PPP1R13B: variants seen among roughly 807,000 people sequenced by gnomAD.
PPP1R13B encodes protein phosphatase 1 regulatory subunit 13B, also known as apoptosis-stimulating of p53 protein 1.
Under a neutral mutation model 119.8 loss-of-function variants are expected in PPP1R13B, and 44 were observed. That is an observed-to-expected ratio of 0.37 (90% CI 0.29 to 0.47). The LOEUF (loss-of-function observed/expected upper bound fraction) is 0.47, where lower values mean the gene tolerates loss of function less well. Among genes scored for constraint, PPP1R13B ranks in the 20% least tolerant of loss-of-function variants. The pLI is 0.99. For missense variants in PPP1R13B, 1,227 were observed against 1,413.5 expected (o/e 0.87, Z 2.12); for synonymous variants, 542 against 561.5 (o/e 0.97, Z 0.49).
At chr14:103,795,202 G>A (rs1370990898) in intron 2 of PPP1R13B, among the ~76,000 whole-genome samples, 1 of 152,022 alleles carries the variant, frequency 6.6e-6, no homozygotes, top group Non-Finnish European at 1.5e-5. Context: ...CCTCCTAAAG[G>A]GCTGGGATTA....
chr14:103,778,683 G>T, intron 4 of PPP1R13B, 62 bp downstream of exon 4: 1 of 1,369,492 alleles, frequency 7.3e-7, no homozygotes, highest in African/African-American at 1.4e-5. Flanking sequence ...TGAGATTACA[G>T]GTGTAACCCA....
At chr14:103,802,617 C>A (rs2085926396) in intron 1 of PPP1R13B, among the ~76,000 whole-genome samples, 1 of 152,152 alleles carries the variant, frequency 6.6e-6, no homozygotes, top group Admixed American at 6.6e-5. Flanking sequence ...TACCCTTAGG[C>A]ACTCACAGAG....
rs763403694 is a variant in PPP1R13B, at chr14:103,742,628, G to A, written c.1320+26C>T. ...GAGCCCTGTTGAAGAGCCCGCTTGT[G>A]TTCTGTGGTAAAGACACAGGCCTAC... On this transcript the variant is annotated intron_variant, in intron 10 of 16. Transcript: ENST00000202556. The surrounding 1 kb of genome is among the most constrained non-coding windows in gnomAD (Gnocchi z 4.9). 9.9e-6 allele frequency: 16 copies of A among 1,609,384 alleles called. No homozygotes were observed. In the African/African-American group the frequency reaches 2.1e-4, roughly 22 times the overall value.
chr14:103,790,245 CAA>C (rs571576912), intron 2 of PPP1R13B, among the ~76,000 whole-genome samples: 27 of 123,228 alleles, frequency 2.2e-4, no homozygotes, highest in Admixed American at 5.2e-4. Flanking sequence ...GACCCTGTCT[CAA>C]AAAAAAAAAA....
chr14:103,819,709 G>C (rs1335780257), intron 1 of PPP1R13B, among the ~76,000 whole-genome samples: 1 of 151,938 alleles, frequency 6.6e-6, no homozygotes, highest in Non-Finnish European at 1.5e-5. Context: ...TAGAGAGAAA[G>C]CCTACCACAC....
intron 1 of PPP1R13B, among the ~76,000 whole-genome samples, chr14:103,828,129 G>C (rs1468170721): frequency 6.6e-6 from 1 of 152,126 alleles, no homozygotes; most frequent in Non-Finnish European, 1.5e-5. Context: ...CACTGTAGGA[G>C]GCCGAGGTGG....
At chr14:103,762,794 G>A (rs1167736949) in intron 4 of PPP1R13B, 46 of 781,800 alleles carry the variant, frequency 5.9e-5, no homozygotes, top group Non-Finnish European at 8.2e-5. Flanking sequence ...GCGGCCGCCC[G>A]CTCCAGCCAT....
chr14:103,818,599 G>T, intron 1 of PPP1R13B: 2 of 596,558 alleles, frequency 3.4e-6, no homozygotes, highest in South Asian at 7.4e-5. Context: ...GCCTTCAGAT[G>T]ACAATTCTTT....
At chr14:103,822,194 G>A (rs1026668055) in intron 1 of PPP1R13B, among the ~76,000 whole-genome samples, 1 of 151,996 alleles carries the variant, frequency 6.6e-6, no homozygotes, top group Non-Finnish European at 1.5e-5. Flanking sequence ...GGGTGCAGTG[G>A]CACAGTCTCA....
chr14:103,848,407 G>C, upstream of PPP1R13B: 1 of 985,472 alleles, frequency 1.0e-6, no homozygotes, highest in Non-Finnish European at 1.2e-6. Context: ...CGGAGTGACA[G>C]AGCCCTGGGC....
intron 2 of PPP1R13B, among the ~76,000 whole-genome samples, chr14:103,791,326 A>T (rs371073591): frequency 6.6e-6 from 1 of 152,174 alleles, no homozygotes; most frequent in Non-Finnish European, 1.5e-5. Flanking sequence ...GCAAAAACAG[A>T]AACGGTCTCA....
chr14:103,784,915 C>A lies in PPP1R13B; in HGVS notation c.158-1G>T. 2 of 1,558,786 alleles carry A rather than the reference C, an allele frequency of 1.3e-6. No homozygotes were observed. Among genetic ancestry groups the A allele is most frequent in the Admixed American group, 1.8e-5 (1 of 56,638 alleles). ...ATATGATCAAAGGGTATGGGACGTT[C>A]TAGGAAAAAGACCACATCTTTTTTA... On this transcript the variant is annotated splice_acceptor_variant, in intron 2 of 16. Coordinates refer to ENST00000202556, the MANE Select transcript of PPP1R13B (RefSeq NM_015316.3). LOFTEE classifies it high-confidence loss of function.
chr14:103,794,664 CT>C, intron 2 of PPP1R13B: 1 of 430,174 alleles, frequency 2.3e-6, no homozygotes, highest in Admixed American at 2.7e-5. Context: ...TCTCTGAAAC[CT>C]AAAAAAAAAA....
chr14:103,788,530 G>C (rs1273949533), intron 2 of PPP1R13B, among the ~76,000 whole-genome samples: 1 of 152,048 alleles, frequency 6.6e-6, no homozygotes, highest in African/African-American at 2.4e-5. Context: ...CTATAAAATA[G>C]CATTTCTCAT....
chr14:103,804,023 A>C (rs763872229), intron 1 of PPP1R13B: 47 of 976,336 alleles, frequency 4.8e-5, no homozygotes, highest in Non-Finnish European at 5.6e-5. Flanking sequence ...TACATCCTCT[A>C]CTGGAACAGT....
At chr14:103,772,408 T>A (rs1242980900) in intron 4 of PPP1R13B, among the ~76,000 whole-genome samples, 1 of 152,214 alleles carries the variant, frequency 6.6e-6, no homozygotes, top group Non-Finnish European at 1.5e-5. Context: ...AGTTTCAAAC[T>A]ACCAAATTAT....
intron 1 of PPP1R13B, among the ~76,000 whole-genome samples, chr14:103,817,243 G>A (rs1051767661): frequency 1.1e-4 from 17 of 152,098 alleles, no homozygotes; most frequent in Admixed American, 8.5e-4. Flanking sequence ...ACAGACCACC[G>A]TTGTTACTGC....
chr14:103,825,261 G>A (rs2086511817), intron 1 of PPP1R13B, among the ~76,000 whole-genome samples: 3 of 152,058 alleles, frequency 2.0e-5, no homozygotes, highest in Admixed American at 2.0e-4. Context: ...CCTATTCCCT[G>A]AGACACATTA....
intron 1 of PPP1R13B, among the ~76,000 whole-genome samples, chr14:103,817,915 TA>T (rs946664654): frequency 4.4e-4 from 64 of 145,418 alleles, no homozygotes; most frequent in African/African-American, 9.8e-4. Flanking sequence ...TTATGAACAT[TA>T]AAAAAAAAAA....
Sources: gnomAD v4.1 joint callset for allele counts (sites outside exome capture counted in the v4.1 genomes callset) on GRCh38, gnomAD v4.1.1 for gene constraint, Gnocchi (gnomAD v3.1) non-coding constraint, MANE v1.5 for transcripts, NCBI Gene and HGNC (gene_info 2026-07-23, HGNC 2026-07-21) for gene names.